SRGAP1: variants seen among roughly 807,000 people sequenced by gnomAD.
SRGAP1 encodes SLIT-ROBO Rho GTPase-activating protein 1.
Under a neutral mutation model 121.9 loss-of-function variants are expected in SRGAP1, and 43 were observed. The observed-to-expected ratio is 0.35, with a 90% CI of 0.28 to 0.46. The LOEUF (loss-of-function observed/expected upper bound fraction) is 0.46. Among genes scored for constraint, SRGAP1 ranks in the 20% least tolerant of loss-of-function variants. The pLI is 1.00. For missense variants in SRGAP1, 1,102 were observed against 1,350.9 expected (o/e 0.82, Z 2.89); for synonymous variants, 447 against 485.4 (o/e 0.92, Z 1.04).
intron 1 of SRGAP1, among the ~76,000 whole-genome samples, chr12:63,870,357 A>G (rs904357585): frequency 1.3e-5 from 2 of 152,162 alleles, no homozygotes; most frequent in Admixed American, 6.5e-5. Flanking sequence ...AAAGAAAAAC[A>G]TAAGAAAAGG....
chr12:64,079,203 G>C, intron 9 of SRGAP1, 87 bp downstream of exon 9: 5 of 1,449,458 alleles, frequency 3.4e-6, no homozygotes, highest in Non-Finnish European at 4.7e-6. Context: ...AGAACCATCT[G>C]GGGTTCCTTT....
At chr12:63,930,485 G>A (rs1043626992) in intron 1 of SRGAP1, among the ~76,000 whole-genome samples, 6 of 152,042 alleles carry the variant, frequency 3.9e-5, no homozygotes, top group Non-Finnish European at 5.9e-5. Context: ...TTTAAAAGAT[G>A]GCAACGCTAC....
chr12:63,940,036 A>G (rs1397172604), intron 1 of SRGAP1, among the ~76,000 whole-genome samples: 1 of 151,492 alleles, frequency 6.6e-6, no homozygotes, highest in Non-Finnish European at 1.5e-5. Flanking sequence ...ATCTCGGCTC[A>G]CTACAACCTC....
At chr12:64,005,240 AAT>A (rs1352012613) in intron 3 of SRGAP1, among the ~76,000 whole-genome samples, 1 of 152,228 alleles carries the variant, frequency 6.6e-6, no homozygotes, top group African/African-American at 2.4e-5. Flanking sequence ...AATAATTTTC[AAT>A]AATTAGTAAA....
intron 1 of SRGAP1, among the ~76,000 whole-genome samples, chr12:63,900,456 A>G (rs77954803): frequency 0.15 from 22,687 of 151,398 alleles, 1,840 homozygotes; most frequent in Middle Eastern, 0.21. Flanking sequence ...CACCCGCCTC[A>G]GCCTCCCAAA....
intron 1 of SRGAP1, among the ~76,000 whole-genome samples, chr12:63,960,136 G>A (rs558903516): frequency 1.3e-5 from 2 of 152,152 alleles, no homozygotes; most frequent in Non-Finnish European, 2.9e-5. Context: ...AAATGCCTGC[G>A]TGTTTGGTCC....
At chr12:63,978,405 CTTTCTGTCTCTATA>C (rs1297370926) in intron 1 of SRGAP1, among the ~76,000 whole-genome samples, 2 of 152,172 alleles carry the variant, frequency 1.3e-5, no homozygotes, top group African/African-American at 4.8e-5. Context: ...CCCTAATCTA[CTTTCTGTCTCTATA>C]GATTAGTCTA....
intron 1 of SRGAP1, among the ~76,000 whole-genome samples, chr12:63,919,495 A>G (rs1305677321): frequency 8.5e-6 from 1 of 118,142 alleles, no homozygotes; most frequent in Admixed American, 8.1e-5. Flanking sequence ...TTAACTTAAC[A>G]TTACATATAT....
At chr12:64,122,142 T>C (rs1156425042) in intron 18 of SRGAP1, among the ~76,000 whole-genome samples, 3 of 152,214 alleles carry the variant, frequency 2.0e-5, no homozygotes, top group African/African-American at 7.2e-5. Flanking sequence ...AATGGAAATA[T>C]AAGATTTGAC....
At chr12:64,050,706 G>T (rs897277387) in intron 6 of SRGAP1, among the ~76,000 whole-genome samples, 1 of 151,938 alleles carries the variant, frequency 6.6e-6, no homozygotes, top group African/African-American at 2.4e-5. Context: ...TTTAATCCAG[G>T]CAAGTTCTTT....
At chr12:63,970,948 A>G (rs945731225) in intron 1 of SRGAP1, among the ~76,000 whole-genome samples, 4 of 152,204 alleles carry the variant, frequency 2.6e-5, no homozygotes, top group South Asian at 4.1e-4. Flanking sequence ...ATAGCATCCT[A>G]TATCATTTTA....
intron 6 of SRGAP1, among the ~76,000 whole-genome samples, chr12:64,060,729 G>A (rs192606665): frequency 6.6e-6 from 1 of 152,308 alleles, no homozygotes. Flanking sequence ...AGACAGGTCA[G>A]TGAAGACAGA....
In SRGAP1 at chr12:64,091,259, ATAT is replaced by A; in HGVS notation, c.1437-15_1437-13del. On this transcript the variant is annotated splice_polypyrimidine_tract_variant and intron_variant, in intron 11 of 21. Transcript: ENST00000355086. ...TTGATTTCTGCCATGCTCAGTAATT[ATAT>A]TCCCTTCCCTTAGGCCTCCAAATGT... The A allele has an allele frequency of 6.5e-7, 1 of 1,540,958 alleles. No homozygotes were observed.
intron 1 of SRGAP1, among the ~76,000 whole-genome samples, chr12:63,906,258 A>C (rs1175385662): frequency 6.6e-6 from 1 of 152,026 alleles, no homozygotes; most frequent in African/African-American, 2.4e-5. Flanking sequence ...TATGGATTTT[A>C]CATTTTACTA....
At chr12:63,897,776 A>G (rs1238909827) in intron 1 of SRGAP1, among the ~76,000 whole-genome samples, 3 of 152,202 alleles carry the variant, frequency 2.0e-5, no homozygotes, top group Non-Finnish European at 4.4e-5. Context: ...CAATTTGAGA[A>G]CACAGTTAAC....
intron 8 of SRGAP1, among the ~76,000 whole-genome samples, chr12:64,068,698 T>C (rs1057012695): frequency 4.0e-5 from 6 of 151,846 alleles, no homozygotes; most frequent in Admixed American, 3.9e-4. Flanking sequence ...CTTTAAACAC[T>C]GTAAGTTTTC....
In SRGAP1 at chr12:64,149,894, TAATC is replaced by T. The variant is rs2037099170; in HGVS notation, c.*7226_*7229del. On this transcript the variant is annotated 3_prime_UTR_variant, in exon 22 of 22. Transcript: ENST00000355086. ...CGAATTTGAATTAATTAGGACCAGA[TAATC>T]AATTTTTGGCTTACTTATACTATAG... 6.6e-6 allele frequency: 1 copy of T among 152,214 alleles called. No individual in the cohort carries two copies. The highest frequency in any genetic ancestry group is 2.1e-4 in the South Asian group (1 of 4,832). The allele number at this position is 152,214 out of a possible 1,614,324, so 9.4% of individuals were successfully genotyped here.
At chr12:64,067,967 C>T (rs1353816679) in intron 8 of SRGAP1, among the ~76,000 whole-genome samples, 1 of 151,526 alleles carries the variant, frequency 6.6e-6, no homozygotes, top group Non-Finnish European at 1.5e-5. Context: ...TTTTAAAAAG[C>T]ATGGACAGTA....
intron 1 of SRGAP1, among the ~76,000 whole-genome samples, chr12:63,970,240 G>A (rs1424532089): frequency 1.3e-5 from 2 of 152,212 alleles, no homozygotes; most frequent in Non-Finnish European, 2.9e-5. Context: ...AGGGGGAGAG[G>A]TGGTGAGAGC....
Sources: allele counts gnomAD v4.1 joint callset (sites outside exome capture counted in the v4.1 genomes callset), GRCh38; gene constraint gnomAD v4.1.1; transcripts MANE v1.5; gene names NCBI Gene and HGNC (gene_info 2026-07-23, HGNC 2026-07-21).